Variants in BMPR1A observed in about 807,000 individuals in gnomAD.
The protein encoded by BMPR1A is bone morphogenetic protein receptor type 1A.
A neutral mutation model predicts 66.0 loss-of-function variants in BMPR1A; 7 were observed. The ratio of observed to expected loss-of-function variants is 0.11; its 90% CI spans 0.06 to 0.20. The LOEUF (loss-of-function observed/expected upper bound fraction) is 0.20, where lower values mean the gene tolerates loss of function less well. BMPR1A is among the 10% of genes least tolerant of loss of function. The pLI, the probability that BMPR1A is intolerant of heterozygous loss-of-function variation, is 1.00. For missense variants in BMPR1A, 408 were observed against 669.1 expected (o/e 0.61, Z 4.31); for synonymous variants, 200 against 229.7 (o/e 0.87, Z 1.17).
intron 1 of BMPR1A, among the ~76,000 whole-genome samples, chr10:86,782,342 T>C (rs575184931): frequency 1.3e-5 from 2 of 152,312 alleles, no homozygotes; most frequent in South Asian, 2.1e-4. Flanking sequence ...TTTTTAGATA[T>C]ATACTGAGAA....
Position 86,791,209 on chromosome 10 carries a change from T to C in BMPR1A, c.-268+34290T>C, listed in dbSNP as rs1841612356. On this transcript the variant is annotated intron_variant, in intron 1 of 12. Transcript: ENST00000372037. ...TGTTTATATGAGCAAGCCTTCTCAGTGCTTGCTTTTTTTTTTTTTTTGAGA... is the reference window on the plus strand; with the variant it reads ...TGTTTATATGAGCAAGCCTTCTCAGCGCTTGCTTTTTTTTTTTTTTTGAGA... Among the ~76,000 whole-genome samples, 3 of 140,210 alleles carry C rather than the reference T, an allele frequency of 2.1e-5. No individual in the cohort carries two copies. In the South Asian group the frequency reaches 7.2e-4, roughly 34 times the overall value. 92.0% of individuals were successfully genotyped at this position (140,210 alleles called of 152,430 possible).
chr10:86,855,443 T>C, intron 2 of BMPR1A: 1 of 635,568 alleles, frequency 1.6e-6, no homozygotes. Context: ...TTATGCCTAT[T>C]AGAGTTATTT....
chr10:86,874,940 G>A (rs1842901658), intron 2 of BMPR1A, among the ~76,000 whole-genome samples: 1 of 148,878 alleles, frequency 6.7e-6, no homozygotes. Flanking sequence ...GGCCAGGCTG[G>A]TCTTGAACTC....
intron 1 of BMPR1A, among the ~76,000 whole-genome samples, chr10:86,826,778 A>G (rs1842202156): frequency 6.6e-6 from 1 of 152,034 alleles, no homozygotes; most frequent in Non-Finnish European, 1.5e-5. Context: ...TTTAAATTTC[A>G]AAATAGAATT....
chr10:86,891,900 T>A (rs1843154831), intron 4 of BMPR1A, among the ~76,000 whole-genome samples: 1 of 152,240 alleles, frequency 6.6e-6, no homozygotes, highest in African/African-American at 2.4e-5. Context: ...GAAATCCTTT[T>A]CTTCTTGACA....
intron 5 of BMPR1A, among the ~76,000 whole-genome samples, chr10:86,893,945 C>T (rs1455629686): frequency 6.6e-6 from 1 of 152,208 alleles, no homozygotes. Context: ...CCTAATCTCT[C>T]TTTAAGATGA....
At position 86,924,344 on chromosome 10, in the gene BMPR1A, G is replaced by C. The variant is rs1350474736; in HGVS notation, c.*625G>C. ...GAAGATATTGGTGGCCGGTGGTTTT[G>C]TGCTTTAAAAATGCAATATCTGACC... On this transcript the variant is annotated 3_prime_UTR_variant, in exon 13 of 13. Coordinates refer to ENST00000372037, the MANE Select transcript of BMPR1A (RefSeq NM_004329.3). The C allele has an allele frequency of 1.3e-5, 3 of 235,788 alleles. No individual in the cohort carries two copies. In the Admixed American group the frequency reaches 1.6e-4, roughly 13 times the overall value. 14.6% of individuals were successfully genotyped at this position (235,788 alleles called of 1,614,324 possible). A position where few individuals can be genotyped will look rare whatever the true frequency, so the allele number is the denominator to read the frequency against.
chr10:86,868,778 GT>G (rs55872033), intron 2 of BMPR1A, among the ~76,000 whole-genome samples: 1,627 of 140,924 alleles, frequency 0.012, 31 homozygotes, highest in African/African-American at 0.038. Context: ...CTTTTCCTGT[GT>G]TTTTTTTTTT....
intron 1 of BMPR1A, among the ~76,000 whole-genome samples, chr10:86,766,631 T>TTTTTTTTTTTG (rs1237506099): frequency 2.6e-5 from 4 of 151,068 alleles, no homozygotes; most frequent in African/African-American, 9.8e-5. Flanking sequence ...TTTTTTTTTT[T>TTTTTTTTTTTG]TTGAGACGGA....
At chr10:86,802,909 A>G (rs1188105221) in intron 1 of BMPR1A, among the ~76,000 whole-genome samples, 1 of 151,922 alleles carries the variant, frequency 6.6e-6, no homozygotes, top group East Asian at 1.9e-4. Context: ...CATGTCTCCA[A>G]AAAAGACAAA....
chr10:86,922,476 A>G (rs543919090), intron 11 of BMPR1A, among the ~76,000 whole-genome samples: 1 of 152,304 alleles, frequency 6.6e-6, no homozygotes, highest in African/African-American at 2.4e-5. Context: ...AGAGTCCCCA[A>G]GACCACCCCC....
intron 2 of BMPR1A, among the ~76,000 whole-genome samples, chr10:86,870,453 C>G (rs182726291): frequency 6.6e-6 from 1 of 152,094 alleles, no homozygotes; most frequent in Non-Finnish European, 1.5e-5. Flanking sequence ...GACAAGGTCT[C>G]GCTCTGTTGC....
downstream of BMPR1A, chr10:86,930,920 A>G (rs1247477885): frequency 1.3e-5 from 2 of 152,118 alleles, no homozygotes; most frequent in African/African-American, 4.8e-5. Context: ...ATTATGCAGG[A>G]AGCTCAAAGT....
chr10:86,770,812 A>G (rs1195980715), intron 1 of BMPR1A, among the ~76,000 whole-genome samples: 2 of 152,312 alleles, frequency 1.3e-5, no homozygotes, highest in Non-Finnish European at 2.9e-5. Flanking sequence ...TTGACCAACC[A>G]CAATTAGGGA....
chr10:86,874,757 G>A (rs1415802805), intron 2 of BMPR1A, among the ~76,000 whole-genome samples: 5 of 116,746 alleles, frequency 4.3e-5, no homozygotes, highest in African/African-American at 7.1e-5. Flanking sequence ...TCGCTCTGTC[G>A]TGTAGGCTGG....
chr10:86,921,521 G>A lies in BMPR1A; in HGVS notation c.1168G>A (p.Asp390Asn), dbSNP rs1064794827. Reference protein sequence around the residue: ...DLGLAVKFNSDTNEVDVPLNT... With the variant: ...DLGLAVKFNSNTNEVDVPLNT... ...GACCTTGGCTTTCTTTTGTTTCAGT[G>A]ACACAAATGAAGTTGATGTGCCCTT... Residue 390 changes from aspartate (D) to asparagine (N), a missense_variant and splice_region_variant, in exon 11 of 13, where the codon GAC becomes AAC. Asp to Asn is a conservative substitution (Grantham distance 23, BLOSUM62 1). This residue lies in a region of BMPR1A where 130 missense variants were observed against 257.3 expected (regional missense o/e 0.51). Coordinates refer to ENST00000372037, the MANE Select transcript of BMPR1A (RefSeq NM_004329.3). 1 of 1,613,866 alleles carries A rather than the reference G, an allele frequency of 6.2e-7. No homozygotes were observed.
chr10:86,829,104 G>C (rs1282558828), intron 1 of BMPR1A, among the ~76,000 whole-genome samples: 1 of 152,074 alleles, frequency 6.6e-6, no homozygotes, highest in Non-Finnish European at 1.5e-5. Context: ...TTCAGACTGA[G>C]CACCCAGAAG....
At chr10:86,783,424 A>G (rs1340908613) in intron 1 of BMPR1A, among the ~76,000 whole-genome samples, 1 of 152,210 alleles carries the variant, frequency 6.6e-6, no homozygotes, top group Non-Finnish European at 1.5e-5. Flanking sequence ...GAATCAGTAG[A>G]TTACTTTGGA....
rs755372473 is a variant in BMPR1A, at chr10:86,917,224, G to A, written c.766G>A (p.Glu256Lys). The change falls in exon 9 of 13, where the codon GAA becomes AAA. Residue 256 changes from glutamate to lysine, a missense_variant. Physicochemically the swap from Glu to Lys is moderately conservative, Grantham distance 56. Coordinates refer to ENST00000372037, the MANE Select transcript of BMPR1A (RefSeq NM_004329.3). ...GEVWMGKWRG[E>K]KVAVKVFFTT... ...AGTATGGATGGGCAAATGGCGTGGC[G>A]AAAAAGTGGCGGTGAAAGTATTCTT... is the stretch of plus-strand genomic sequence containing the variant. 1.2e-6 allele frequency: 2 copies of A among 1,613,862 alleles called. No homozygotes were observed. Among genetic ancestry groups the A allele is most frequent in the African/African-American group, 2.7e-5 (2 of 74,882 alleles).
Sources: gnomAD v4.1 joint callset for allele counts (sites outside exome capture counted in the v4.1 genomes callset) on GRCh38, gnomAD v4.1.1 for gene constraint, gnomAD v4.1.1 regional missense constraint, MANE v1.5 for transcripts, NCBI Gene and HGNC (gene_info 2026-07-23, HGNC 2026-07-21) for gene names.